The following ITPR1 variants were observed in gnomAD, a reference collection of about 807,000 sequenced individuals.
ITPR1 encodes the protein inositol 1,4,5-trisphosphate-gated calcium channel ITPR1.
ITPR1 carries 96 observed loss-of-function variants against 318.4 expected under a neutral mutation model. The ratio of observed to expected loss-of-function variants is 0.30; its 90% CI spans 0.26 to 0.36. ITPR1 has a LOEUF of 0.36. ITPR1 is among the 10% of genes least tolerant of loss of function. ITPR1 has a pLI of 1.00. For missense variants in ITPR1, 2,440 were observed against 3,460.2 expected, an observed-to-expected ratio of 0.71 and a Z score of 7.40; for synonymous variants, 1,312 against 1,289.9, an observed-to-expected ratio of 1.02 and a Z score of -0.37.
At chr3:4,559,537 C>T (rs187963820) in intron 4 of ITPR1, among the ~76,000 whole-genome samples, 27 of 152,210 alleles carry the variant, frequency 1.8e-4, no homozygotes, top group African/African-American at 6.3e-4. Context: ...ATTCTGGGCA[C>T]AATTCTTTGC....
chr3:4,663,477 TG>T (rs2093882030), intron 16 of ITPR1, among the ~76,000 whole-genome samples: 1 of 152,294 alleles, frequency 6.6e-6, no homozygotes, highest in East Asian at 1.9e-4. Flanking sequence ...CTTGATGAAT[TG>T]ATTTTTCAAT....
chr3:4,579,024 C>T (rs776553029), intron 4 of ITPR1, among the ~76,000 whole-genome samples: 1 of 152,032 alleles, frequency 6.6e-6, no homozygotes, highest in Non-Finnish European at 1.5e-5. Context: ...TGCTTCCAGG[C>T]GAGGCTGTTG....
intron 44 of ITPR1, among the ~76,000 whole-genome samples, chr3:4,753,882 C>A (rs1397476147): frequency 1.3e-5 from 2 of 152,104 alleles, no homozygotes; most frequent in African/African-American, 4.8e-5. Flanking sequence ...TGGTTCTCCT[C>A]CTCTTTCTCC....
At chr3:4,621,614 T>C (rs1314859660) in intron 4 of ITPR1, among the ~76,000 whole-genome samples, 1 of 152,204 alleles carries the variant, frequency 6.6e-6, no homozygotes, top group Non-Finnish European at 1.5e-5. Context: ...CTTTGTGTGG[T>C]TTCCTACTGT....
At position 4,710,494 on chromosome 3, in the gene ITPR1, G is replaced by T; in HGVS notation, c.4991+21G>T. 1 of 1,549,680 alleles carries T rather than the reference G, an allele frequency of 6.5e-7. No individual in the cohort carries two copies. Among genetic ancestry groups the T allele is most frequent in the South Asian group, 1.2e-5 (1 of 83,916 alleles). On this transcript the variant is annotated intron_variant, in intron 38 of 61. Coordinates refer to ENST00000649015, the MANE Select transcript of ITPR1 (RefSeq NM_001378452.1). This position sits in a 1 kb window ranked among gnomAD's most constrained non-coding sequence, Gnocchi z 4.2. ...TGCAAGTAAGCGGCCTCTCTCTCTGGGGTGTTCATTTGCCAGAACCTTGAT... is the reference window on the plus strand; with the variant it reads ...TGCAAGTAAGCGGCCTCTCTCTCTGTGGTGTTCATTTGCCAGAACCTTGAT...
chr3:4,673,049 A>G (rs1203192886), intron 20 of ITPR1, 87 bp from the exon 21 acceptor site: 5 of 1,428,436 alleles, frequency 3.5e-6, no homozygotes, highest in African/African-American at 2.8e-5. Flanking sequence ...TGTCACTCCC[A>G]TGACAGTCAG....
intron 17 of ITPR1, among the ~76,000 whole-genome samples, chr3:4,665,571 A>G (rs952639932): frequency 1.3e-5 from 2 of 152,158 alleles, no homozygotes; most frequent in South Asian, 4.1e-4. Flanking sequence ...TTTATGACGT[A>G]TTCCCTTAGG....
intron 60 of ITPR1, among the ~76,000 whole-genome samples, chr3:4,831,749 C>T (rs1436300908): frequency 3.3e-5 from 5 of 152,164 alleles, no homozygotes; most frequent in African/African-American, 7.2e-5. Flanking sequence ...GCTGGAGAGG[C>T]GTGGGTGACA....
intron 42 of ITPR1, among the ~76,000 whole-genome samples, chr3:4,730,172 A>G (rs2042801670): frequency 6.7e-6 from 1 of 149,034 alleles, no homozygotes; most frequent in Non-Finnish European, 1.5e-5. Context: ...CTTACCTATA[A>G]TTCTCAGTCT....
At chr3:4,661,886 A>G (rs1369943863) in intron 14 of ITPR1, among the ~76,000 whole-genome samples, 196 bp from the exon 15 acceptor site, 2 of 152,220 alleles carry the variant, frequency 1.3e-5, no homozygotes, top group African/African-American at 2.4e-5. Flanking sequence ...ACTGGCCCCC[A>G]TAATACCAAT....
chr3:4,625,627 G>A lies in ITPR1; in HGVS notation c.164-2136G>A, dbSNP rs529082492. ...GCTGGAGTGCAGTGGTGTGATCTCG[G>A]CTCACTGCAAGCTCTGCCTCCCGGG... On this transcript the variant is annotated intron_variant, in intron 4 of 61. Coordinates refer to ENST00000649015, the MANE Select transcript of ITPR1 (RefSeq NM_001378452.1). 7.2e-5 allele frequency among the ~76,000 whole-genome samples: 11 copies of A among 152,182 alleles called. No homozygotes were observed. The East Asian group carries it at 1.2e-3, about 16-fold the overall frequency.
chr3:4,834,661 A>T (rs1190791175), intron 60 of ITPR1, among the ~76,000 whole-genome samples: 1 of 152,146 alleles, frequency 6.6e-6, no homozygotes, highest in East Asian at 1.9e-4. Flanking sequence ...TGGTGGGAAG[A>T]TGTGGCTGTG....
chr3:4,598,195 CT>C (rs1174949800), intron 4 of ITPR1, among the ~76,000 whole-genome samples: 1 of 152,236 alleles, frequency 6.6e-6, no homozygotes, highest in African/African-American at 2.4e-5. Flanking sequence ...AAATCCTCCT[CT>C]GTGACCTGTC....
At position 4,659,479 on chromosome 3, in the gene ITPR1, GT is replaced by G. The variant is rs145204325; in HGVS notation, c.1151+1204del. The stretch of plus-strand genomic sequence containing the variant: ...ACAGATCACTTGATTGAGTCCAGGT[GT>G]TTGAGACCAGCTGGACAACATGACA... On this transcript the variant is annotated intron_variant, in intron 13 of 61. Transcript: ENST00000649015. Among the ~76,000 whole-genome samples, 643 of 152,234 alleles carry G rather than the reference GT, an allele frequency of 4.2e-3. 18 individuals are homozygous for G. The East Asian group carries it at 0.079, about 19-fold the overall frequency.
intron 5 of ITPR1, among the ~76,000 whole-genome samples, chr3:4,633,407 A>G (rs2093077856): frequency 6.6e-6 from 1 of 152,168 alleles, no homozygotes; most frequent in South Asian, 2.1e-4. Flanking sequence ...TTTGGAACTG[A>G]TGGCCAGTCT....
intron 4 of ITPR1, among the ~76,000 whole-genome samples, chr3:4,566,266 G>A (rs2087240824): frequency 6.6e-6 from 1 of 152,146 alleles, no homozygotes; most frequent in Admixed American, 6.5e-5. Context: ...TCTTCTAAGA[G>A]CCACCCTCAA....
At chr3:4,715,534 C>T (rs533920275) in intron 39 of ITPR1, among the ~76,000 whole-genome samples, 1 of 152,152 alleles carries the variant, frequency 6.6e-6, no homozygotes, top group African/African-American at 2.4e-5. Flanking sequence ...TGTCTGGGTC[C>T]AGTGCCCCCA....
intron 4 of ITPR1, among the ~76,000 whole-genome samples, chr3:4,557,573 A>T (rs2086258967): frequency 6.6e-6 from 1 of 152,128 alleles, no homozygotes; most frequent in African/African-American, 2.4e-5. Context: ...CCTGCTTTTG[A>T]TGAAATATTT....
intron 52 of ITPR1, among the ~76,000 whole-genome samples, chr3:4,789,536 T>G (rs1430419798): frequency 1.3e-5 from 2 of 152,256 alleles, no homozygotes; most frequent in African/African-American, 4.8e-5. Context: ...AACTTATCTG[T>G]TGCTTTTGTC....
Sources: allele counts gnomAD v4.1 joint callset (sites outside exome capture counted in the v4.1 genomes callset), GRCh38; gene constraint gnomAD v4.1.1; non-coding constraint Gnocchi (gnomAD v3.1); transcripts MANE v1.5; gene names NCBI Gene and HGNC (gene_info 2026-07-23, HGNC 2026-07-21).